TXLNB: variants seen among roughly 807,000 people sequenced by gnomAD.
TXLNB encodes taxilin beta, also known as beta-taxilin.
Under a neutral mutation model 57.4 loss-of-function variants are expected in TXLNB, and 37 were observed. That is an observed-to-expected ratio of 0.64 (90% confidence interval 0.50 to 0.85). The LOEUF is 0.85. TXLNB is among the 40% of genes least tolerant of loss of function. The pLI is 0.00. For synonymous variants in TXLNB, 302 were observed against 309.6 expected (o/e 0.98, Z 0.26); for missense variants, 848 against 825.6 (o/e 1.03, Z -0.33).
At chr6:139,186,359 T>C in the TXLNB span, among the ~76,000 whole-genome samples, 41 of 152,178 alleles carry the variant, frequency 2.7e-4, 1 homozygote, top group Admixed American at 1.2e-3. Context: ...CAAAAAACAT[T>C]TGAACAAACA....
the TXLNB span, among the ~76,000 whole-genome samples, chr6:139,323,450 T>C: frequency 2.0e-5 from 3 of 148,836 alleles, no homozygotes; most frequent in Admixed American, 2.0e-4. Context: ...GCCCAGCTAA[T>C]TTTTTGTATT....
the TXLNB span, among the ~76,000 whole-genome samples, chr6:139,198,658 C>T: frequency 6.6e-6 from 1 of 152,134 alleles, no homozygotes; most frequent in East Asian, 1.9e-4. Flanking sequence ...GGCAGGAGAC[C>T]AATGCAGGAG....
chr6:139,279,098 T>C (rs1378957445), intron 2 of TXLNB, among the ~76,000 whole-genome samples: 1 of 152,218 alleles, frequency 6.6e-6, no homozygotes, highest in Non-Finnish European at 1.5e-5. Flanking sequence ...AAAACAGGTC[T>C]TACTCTCACC....
At chr6:139,174,154 C>A in the TXLNB span, among the ~76,000 whole-genome samples, 1 of 152,154 alleles carries the variant, frequency 6.6e-6, no homozygotes, top group Non-Finnish European at 1.5e-5. Flanking sequence ...TGAATTGAAG[C>A]CAAGTTTTTA....
Position 139,281,620 on chromosome 6 carries a change from C to A in TXLNB, c.425-4699G>T, listed in dbSNP as rs1460480839. On this transcript the variant is annotated intron_variant, in intron 2 of 9. Transcript: ENST00000358430. ...CTGGAGTGCAGTGGCGCGATCTCGGCTCACTGCAAGCTCCGCCTCCCGGGT... is the reference window on the plus strand; with the variant it reads ...CTGGAGTGCAGTGGCGCGATCTCGGATCACTGCAAGCTCCGCCTCCCGGGT... 5.2e-5 allele frequency among the ~76,000 whole-genome samples: 5 copies of A among 97,026 alleles called. 2 individuals are homozygous for A. Among genetic ancestry groups the A allele is most frequent in the African/African-American group, 7.7e-5 (1 of 13,064 alleles). 63.7% of individuals were successfully genotyped at this position (97,026 alleles called of 152,430 possible).
chr6:139,317,869 GGAATTT>G, the TXLNB span, among the ~76,000 whole-genome samples: 3 of 152,108 alleles, frequency 2.0e-5, no homozygotes, highest in African/African-American at 7.2e-5. Flanking sequence ...CTTGAGGCCA[GGAATTT>G]GAGACCAGCC....
At chr6:139,244,332 C>CA (rs1386154489) in intron 9 of TXLNB, among the ~76,000 whole-genome samples, 4 of 152,188 alleles carry the variant, frequency 2.6e-5, no homozygotes, top group Admixed American at 1.3e-4. Context: ...TTAAAGGGGA[C>CA]AGCTGCCCTG....
In TXLNB at chr6:139,255,583, T is replaced by C. The variant is rs758221033; in HGVS notation, c.1058A>G (p.Glu353Gly). ...KLQAKVLKEQETVLQAQLTLY... is the reference protein window; with the variant it reads ...KLQAKVLKEQGTVLQAQLTLY... Reference sequence around the variant, plus strand: ...CCTCACCTGAGCCTGCAGGACTGTCTCTTGCTCCTTCAGCACTTTCGCCTG... The same window carrying C: ...CCTCACCTGAGCCTGCAGGACTGTCCCTTGCTCCTTCAGCACTTTCGCCTG... Residue 353 changes from glutamate (E) to glycine (G), a missense_variant, in exon 7 of 10, where the codon GAG becomes GGG. Physicochemically the swap from Glu to Gly is moderately conservative, Grantham distance 98. Transcript: ENST00000358430. The C allele has an allele frequency of 6.2e-7, 1 of 1,613,904 alleles. No homozygotes were observed. The highest frequency in any genetic ancestry group is 8.5e-7 in the Non-Finnish European group (1 of 1,179,872).
chr6:139,223,124 C>T, the TXLNB span, among the ~76,000 whole-genome samples: 1 of 152,090 alleles, frequency 6.6e-6, no homozygotes, highest in Non-Finnish European at 1.5e-5. Context: ...TAGTATAGTC[C>T]ATGACTGTAA....
At chr6:139,249,608 A>G (rs1391685928) in intron 7 of TXLNB, among the ~76,000 whole-genome samples, 1 of 152,170 alleles carries the variant, frequency 6.6e-6, no homozygotes, top group Non-Finnish European at 1.5e-5. Flanking sequence ...GAGAGTTTCC[A>G]GTCTTGGGGT....
At chr6:139,291,598 A>G (rs1219397953) in intron 1 of TXLNB, among the ~76,000 whole-genome samples, 1 of 152,232 alleles carries the variant, frequency 6.6e-6, no homozygotes, top group Admixed American at 6.5e-5. Context: ...ACAAGAGGGA[A>G]AAAAACAAAG....
chr6:139,175,108 A>G, the TXLNB span, among the ~76,000 whole-genome samples: 8 of 152,210 alleles, frequency 5.3e-5, no homozygotes, highest in African/African-American at 1.9e-4. Flanking sequence ...GCATTGTCTC[A>G]TGCTATGAGG....
At chr6:139,236,163 A>G (rs1775834231), downstream of TXLNB, among the ~76,000 whole-genome samples, 2 of 152,320 alleles carry the variant, frequency 1.3e-5, no homozygotes, top group Middle Eastern at 3.4e-3. Context: ...CTAAGGTAAG[A>G]ACCCAGGAGA....
intron 4 of TXLNB, among the ~76,000 whole-genome samples, chr6:139,269,390 C>T (rs1264922732): frequency 6.6e-6 from 1 of 152,168 alleles, no homozygotes; most frequent in Non-Finnish European, 1.5e-5. Context: ...GAATCCAAAC[C>T]TTGAGTTGAG....
chr6:139,311,688 C>T, the TXLNB span, among the ~76,000 whole-genome samples: 1 of 152,164 alleles, frequency 6.6e-6, no homozygotes, highest in Non-Finnish European at 1.5e-5. Flanking sequence ...ATCTTTACCT[C>T]TTATGGAGGA....
the TXLNB span, among the ~76,000 whole-genome samples, chr6:139,159,774 C>T: frequency 6.6e-6 from 1 of 152,194 alleles, no homozygotes. Flanking sequence ...ACTAAGTCAT[C>T]CCTATTTTAG....
At chr6:139,215,545 C>T in the TXLNB span, among the ~76,000 whole-genome samples, 2 of 152,142 alleles carry the variant, frequency 1.3e-5, no homozygotes, top group African/African-American at 4.8e-5. Flanking sequence ...CTAGGCAATA[C>T]CATTCAGGAC....
At chr6:139,278,215 A>C (rs1275577355) in intron 2 of TXLNB, among the ~76,000 whole-genome samples, 1 of 152,200 alleles carries the variant, frequency 6.6e-6, no homozygotes, top group Non-Finnish European at 1.5e-5. Flanking sequence ...GGCAGAGAGA[A>C]GGCTTGAATC....
Position 139,270,450 on chromosome 6 carries a change from A to C in TXLNB, c.687+6T>G, listed in dbSNP as rs1776729646. On this transcript the variant is annotated splice_donor_region_variant and intron_variant, in intron 4 of 9. Coordinates refer to ENST00000358430, the MANE Select transcript of TXLNB (RefSeq NM_153235.4). Reference sequence around the variant, plus strand: ...AATTATGTTATTCTGAGGCATGGGGACATACCTTCAGAGTCTTGTTGTGTC... The same window carrying C: ...AATTATGTTATTCTGAGGCATGGGGCCATACCTTCAGAGTCTTGTTGTGTC... 1 of 1,612,228 alleles carries C rather than the reference A, an allele frequency of 6.2e-7. No individual in the cohort carries two copies. The highest frequency in any genetic ancestry group is 1.3e-5 in the African/African-American group (1 of 74,758).
Sources: gnomAD v4.1 joint callset for allele counts (sites outside exome capture counted in the v4.1 genomes callset) on GRCh38, gnomAD v4.1.1 for gene constraint, MANE v1.5 for transcripts, NCBI Gene and HGNC (gene_info 2026-07-23, HGNC 2026-07-21) for gene names.